NSD1: variants seen among roughly 807,000 people sequenced by gnomAD.
NSD1 encodes the protein histone-lysine N-methyltransferase, H3 lysine-36 specific.
Under a neutral mutation model 242.7 loss-of-function variants are expected in NSD1, and 26 were observed. The ratio of observed to expected loss-of-function variants is 0.11; its 90% CI spans 0.08 to 0.15. NSD1 has a LOEUF of 0.15. NSD1 is among the 10% of genes least tolerant of loss of function. NSD1 has a pLI of 1.00. For missense variants in NSD1, 2,495 were observed against 3,272.8 expected (o/e 0.76, Z 5.80); for synonymous variants, 1,106 against 1,178.1 (o/e 0.94, Z 1.25).
chr5:177,140,331 A>T (rs756935880), intron 2 of NSD1, among the ~76,000 whole-genome samples: 6 of 152,084 alleles, frequency 3.9e-5, no homozygotes, highest in Non-Finnish European at 8.8e-5. Context: ...TACTTGTTGG[A>T]GATTGCTTGG....
intron 14 of NSD1, chr5:177,265,492 A>G (rs965360097): frequency 1.1e-5 from 7 of 645,990 alleles, no homozygotes; most frequent in East Asian, 8.1e-5. Context: ...AGGGAGGGAG[A>G]GAGAGAGGAA....
At chr5:177,164,993 G>A (rs756098787) in intron 2 of NSD1, among the ~76,000 whole-genome samples, 14 of 151,168 alleles carry the variant, frequency 9.3e-5, no homozygotes, top group Non-Finnish European at 1.6e-4. Context: ...AAGGCTGATT[G>A]TATTGGCTTA....
In NSD1 at chr5:177,143,165, A is replaced by G. The variant is rs375597618; in HGVS notation, c.927+7135A>G. Among the ~76,000 whole-genome samples the G allele has an allele frequency of 3.0e-4, 45 of 152,274 alleles. No homozygotes were observed. In the East Asian group the frequency reaches 4.4e-3, roughly 15 times the overall value. The stretch of plus-strand genomic sequence containing the variant: ...GGATTGTCAGCCTTCATCATTTTCA[A>G]TGGACCAAATTACTAAAACTTTACA... On this transcript the variant is annotated intron_variant, in intron 2 of 22. Coordinates refer to ENST00000439151, the MANE Select transcript of NSD1 (RefSeq NM_022455.5).
At chr5:177,293,771 T>A in intron 22 of NSD1, 61 bp from the exon 23 acceptor site, 1 of 1,582,572 alleles carries the variant, frequency 6.3e-7, no homozygotes, top group South Asian at 1.1e-5. Flanking sequence ...TAGCATAGCC[T>A]TGGCCCATGT....
chr5:177,265,376 A>G (rs1005536447), intron 14 of NSD1: 1 of 599,250 alleles, frequency 1.7e-6, no homozygotes, highest in Admixed American at 3.0e-5. Flanking sequence ...CCAGCTGAAG[A>G]TTTATTGGCA....
At chr5:177,207,905 A>AGTGTGT (rs145605083) in intron 4 of NSD1, among the ~76,000 whole-genome samples, 3 of 149,360 alleles carry the variant, frequency 2.0e-5, no homozygotes, top group Non-Finnish European at 3.0e-5. Context: ...ATGTCCAGCT[A>AGTGTGT]GTGTGTGTGT....
chr5:177,203,950 A>G (rs1189661738), intron 3 of NSD1, among the ~76,000 whole-genome samples, 170 bp from the exon 4 acceptor site: 1 of 152,180 alleles, frequency 6.6e-6, no homozygotes, highest in Admixed American at 6.5e-5. Context: ...CCACACATAT[A>G]TAATACTTAA....
In NSD1 at chr5:177,269,342, T is replaced by A. The variant is rs1253935704; in HGVS notation, c.5304-260T>A. Among the ~76,000 whole-genome samples, 4 of 152,228 alleles carry A rather than the reference T, an allele frequency of 2.6e-5. No individual in the cohort carries two copies. The highest frequency in any genetic ancestry group is 5.9e-5 in the Non-Finnish European group (4 of 68,032). Reference sequence around the variant, plus strand: ...TCATAACTCTCTGTTCCTATATCATTATTTCCTTTAAGTAGAATCCTTGAA... The same window carrying A: ...TCATAACTCTCTGTTCCTATATCATAATTTCCTTTAAGTAGAATCCTTGAA... On this transcript the variant is annotated intron_variant, in intron 15 of 22. Transcript: ENST00000439151. The surrounding 1 kb of genome is among the most constrained non-coding windows in gnomAD (Gnocchi z 5.1).
At chr5:177,182,794 C>T (rs759281426) in intron 2 of NSD1, among the ~76,000 whole-genome samples, 17 of 152,078 alleles carry the variant, frequency 1.1e-4, no homozygotes, top group Non-Finnish European at 2.4e-4. Context: ...CCTGCCATTA[C>T]GCCTGGCTAA....
intron 2 of NSD1, among the ~76,000 whole-genome samples, chr5:177,157,324 C>T (rs1758220587): frequency 6.6e-6 from 1 of 152,084 alleles, no homozygotes; most frequent in Non-Finnish European, 1.5e-5. Flanking sequence ...GGAGATCGTG[C>T]TGTTGCACTC....
At chr5:177,224,599 G>T (rs969474779) in intron 5 of NSD1, among the ~76,000 whole-genome samples, 1 of 150,820 alleles carries the variant, frequency 6.6e-6, no homozygotes, top group Admixed American at 6.7e-5. Flanking sequence ...GTTAGTAATA[G>T]TATTTTTTTA....
At chr5:177,281,586 G>C (rs958619843) in intron 18 of NSD1, among the ~76,000 whole-genome samples, 3 of 152,166 alleles carry the variant, frequency 2.0e-5, no homozygotes, top group Admixed American at 6.5e-5. Context: ...CAGTGTGAAA[G>C]TATAAAGGGC....
chr5:177,152,082 G>A (rs991669990), intron 2 of NSD1, among the ~76,000 whole-genome samples: 9 of 151,794 alleles, frequency 5.9e-5, no homozygotes, highest in Admixed American at 3.3e-4. Flanking sequence ...GGATAGTCTC[G>A]TTCTCCTGAC....
upstream of NSD1, among the ~76,000 whole-genome samples, chr5:177,133,310 G>A (rs192234130): frequency 4.6e-5 from 7 of 152,324 alleles, no homozygotes; most frequent in African/African-American, 1.7e-4. This position sits in a 1 kb window ranked among gnomAD's most constrained non-coding sequence, Gnocchi z 6.2. Flanking sequence ...GATCGGACAG[G>A]CCTCAGCCGC....
chr5:177,239,147 T>A (rs1765663758), intron 7 of NSD1, among the ~76,000 whole-genome samples: 2 of 152,204 alleles, frequency 1.3e-5, no homozygotes, highest in Admixed American at 1.3e-4. Flanking sequence ...TGGATATAAC[T>A]TTTTTACATT....
chr5:177,300,155 G>GT lies in NSD1; in HGVS notation c.*4697dup. 4.7e-6 allele frequency: 1 copy of GT among 212,606 alleles called. No homozygotes were observed. 13.2% of individuals were successfully genotyped at this position (212,606 alleles called of 1,614,324 possible). A position where few individuals can be genotyped will look rare whatever the true frequency, so the allele number is the denominator to read the frequency against. On this transcript the variant is annotated 3_prime_UTR_variant, in exon 23 of 23. Coordinates refer to ENST00000439151, the MANE Select transcript of NSD1 (RefSeq NM_022455.5). ...TTAGGAGTCCCCATAAACATGTACT[G>GT]TAATTCTTTGTATATAGAAAAAAAA...
intron 2 of NSD1, among the ~76,000 whole-genome samples, chr5:177,156,117 G>A (rs1252714566): frequency 1.3e-5 from 2 of 151,384 alleles, no homozygotes; most frequent in African/African-American, 2.4e-5. Context: ...GGTATTCTAG[G>A]GCATTTAGGG....
At chr5:177,166,247 C>G (rs1046958176) in intron 2 of NSD1, among the ~76,000 whole-genome samples, 3 of 151,942 alleles carry the variant, frequency 2.0e-5, no homozygotes, top group African/African-American at 7.2e-5. Context: ...TTCTTTGCTT[C>G]TAAAAGTTTT....
chr5:177,265,439 TCCCCATCC>T lies in NSD1; in HGVS notation c.5147-2117_5147-2110del, dbSNP rs947065865. 7.7e-5 allele frequency: 47 copies of T among 609,836 alleles called. No individual in the cohort carries two copies. In the East Asian group the frequency reaches 9.6e-4, roughly 12 times the overall value. The allele number at this position is 609,836 out of a possible 1,614,324, so 37.8% of individuals were successfully genotyped here. Reference sequence around the variant, plus strand: ...TATGAAAAACAGTCATGATGTGCCCTCCCCATCCCCCCAGCCCAGGCCCCTAAAACCTC... The same window carrying T: ...TATGAAAAACAGTCATGATGTGCCCTCCCCAGCCCAGGCCCCTAAAACCTC... On this transcript the variant is annotated intron_variant, in intron 14 of 22. Transcript: ENST00000439151.
Sources: allele counts gnomAD v4.1 joint callset (sites outside exome capture counted in the v4.1 genomes callset), GRCh38; gene constraint gnomAD v4.1.1; non-coding constraint Gnocchi (gnomAD v3.1); transcripts MANE v1.5; gene names NCBI Gene and HGNC (gene_info 2026-07-23, HGNC 2026-07-21).